CDK5RAP3: variants seen among roughly 807,000 people sequenced by gnomAD.
CDK5RAP3 encodes CDK5 regulatory subunit associated protein 3.
In CDK5RAP3, 58 loss-of-function variants were observed where a neutral mutation model predicts 73.3. The observed-to-expected ratio is 0.79, with a 90% confidence interval of 0.64 to 0.98. CDK5RAP3 has a LOEUF of 0.98. Among genes scored for constraint, CDK5RAP3 ranks in the 50% least tolerant of loss-of-function variants. The pLI is 0.00. For synonymous variants in CDK5RAP3, 224 were observed against 247.5 expected (o/e 0.91, Z 0.89); for missense variants, 525 against 615.8 (o/e 0.85, Z 1.56).
chr17:47,979,017 T>C lies in CDK5RAP3; in HGVS notation c.1077+100T>C, dbSNP rs1375818276. The stretch of plus-strand genomic sequence containing the variant: ...TGACCCCTCCTGTTTGTGTGAAGGG[T>C]GTGAGTGCTATTTGTGTCCTACAGC... On this transcript the variant is annotated intron_variant, in intron 11 of 13. Coordinates refer to ENST00000338399, the MANE Select transcript of CDK5RAP3 (RefSeq NM_176096.3). The C allele has an allele frequency of 1.2e-5, 10 of 850,086 alleles. No individual in the cohort carries two copies. In the East Asian group the frequency reaches 2.2e-4, roughly 19 times the overall value. 52.7% of individuals were successfully genotyped at this position (850,086 alleles called of 1,614,324 possible).
At chr17:47,975,083 A>G in intron 5 of CDK5RAP3, 76 bp from the exon 6 acceptor site, 1 of 1,612,964 alleles carries the variant, frequency 6.2e-7, no homozygotes, top group Non-Finnish European at 8.5e-7. Flanking sequence ...ACCACCACAA[A>G]GGATGTGTGT....
In CDK5RAP3 at chr17:47,977,944, G is replaced by A. The variant is rs1364450625; in HGVS notation, c.988+34G>A. ...ACCATCCCCTGCAGCCCTGGCAAAA[G>A]TGGGGTGCTCAAGGGCCCCCACGTG... On this transcript the variant is annotated intron_variant, in intron 10 of 13. Transcript: ENST00000338399. The A allele has an allele frequency of 2.5e-6, 4 of 1,587,100 alleles. No individual in the cohort carries two copies. In the Admixed American group the frequency reaches 5.1e-5, roughly 20 times the overall value.
intron 2 of CDK5RAP3, among the ~76,000 whole-genome samples, chr17:47,973,022 A>G (rs1378604765): frequency 1.3e-5 from 2 of 152,206 alleles, no homozygotes; most frequent in African/African-American, 4.8e-5. Context: ...TTCACTGTTC[A>G]CAACAGAGTC....
At chr17:47,970,055 G>A (rs903073776), upstream of CDK5RAP3, among the ~76,000 whole-genome samples, 1 of 152,070 alleles carries the variant, frequency 6.6e-6, no homozygotes, top group Non-Finnish European at 1.5e-5. Flanking sequence ...CCCAGCTCAG[G>A]CTATAATCCC....
At chr17:47,976,161 C>G (rs1040576073) in intron 8 of CDK5RAP3, 148 bp downstream of exon 8, 1 of 1,040,770 alleles carries the variant, frequency 9.6e-7, no homozygotes, top group Admixed American at 2.8e-5. Flanking sequence ...GGAGGCCCTA[C>G]TCCTTTATTT....
chr17:47,971,356 C>A lies in CDK5RAP3; in HGVS notation c.7-6C>A. On this transcript the variant is annotated splice_polypyrimidine_tract_variant and splice_region_variant and intron_variant, in intron 1 of 13. Coordinates refer to ENST00000338399, the MANE Select transcript of CDK5RAP3 (RefSeq NM_176096.3). ...ACGCCCCCCTCCTCACCGTGTTTCCCGCCAGGACCATCAGCACGTGCCCAT... is the reference window on the plus strand; with the variant it reads ...ACGCCCCCCTCCTCACCGTGTTTCCAGCCAGGACCATCAGCACGTGCCCAT... 1 of 1,610,242 alleles carries A rather than the reference C, an allele frequency of 6.2e-7. No homozygotes were observed.
rs2905846 is a variant in CDK5RAP3, at chr17:47,971,226, A to C, written c.6+74A>C. On this transcript the variant is annotated intron_variant, in intron 1 of 13. Transcript: ENST00000338399. ...ACCTGTGTCTCCGGTCTCCCTCCGG[A>C]AGCGGCTCAACCCAGCCCATCGCTC... The C allele has an allele frequency of 6.5e-7, 1 of 1,529,100 alleles. No individual in the cohort carries two copies. The highest frequency in any genetic ancestry group is 8.8e-7 in the Non-Finnish European group (1 of 1,130,850). 94.7% of individuals were successfully genotyped at this position (1,529,100 alleles called of 1,614,324 possible).
At chr17:47,974,325 C>G (rs577656426) in intron 4 of CDK5RAP3, 75 bp from the exon 5 acceptor site, 2 of 1,265,228 alleles carry the variant, frequency 1.6e-6, no homozygotes, top group East Asian at 4.6e-5. Flanking sequence ...AGAACTTACC[C>G]TGTTTAGGGA....
At chr17:47,972,645 A>G (rs1338078018) in intron 2 of CDK5RAP3, among the ~76,000 whole-genome samples, 2 of 144,832 alleles carry the variant, frequency 1.4e-5, no homozygotes, top group East Asian at 2.1e-4. Context: ...AAAAGGACCA[A>G]TAAAATGACC....
At chr17:47,979,093 A>G in intron 11 of CDK5RAP3, 176 bp downstream of exon 11, 1 of 599,732 alleles carries the variant, frequency 1.7e-6, no homozygotes, top group Non-Finnish European at 3.0e-6. Flanking sequence ...CTTATCAGGT[A>G]CCTCCTAGGC....
intron 5 of CDK5RAP3, chr17:47,974,683 G>C (rs1260429112): frequency 7.3e-7 from 1 of 1,361,844 alleles, no homozygotes. Context: ...GTGCCTCAGC[G>C]AGCAGGTGTG....
chr17:47,980,735 A>G lies in CDK5RAP3; in HGVS notation c.1220A>G (p.Asp407Gly), dbSNP rs368748450. 6.2e-7 allele frequency: 1 copy of G among 1,614,042 alleles called. No homozygotes were observed. The highest frequency in any genetic ancestry group is 8.5e-7 in the Non-Finnish European group (1 of 1,180,038). The change falls in exon 12 of 14, where the codon GAT becomes GGT. Residue 407 changes from aspartate to glycine, a missense_variant. Asp to Gly is a moderately conservative substitution (Grantham distance 94). Transcript: ENST00000338399. ...KMVTMVSVLE[D>G]LIGKLTSLQL... ...GTTACCATGGTGTCAGTGCTGGAGG[A>G]TCTGATTGGCAAGCTTACCAGTCTT...
In CDK5RAP3 at chr17:47,981,565, T is replaced by A; in HGVS notation, c.*63T>A. On this transcript the variant is annotated 3_prime_UTR_variant, in exon 14 of 14. Transcript: ENST00000338399. ...TTGGGATGAAGATGATAGCCAGGGCTGTTGTTTTGGGGCCCTTCAAGGCAA... is the reference window on the plus strand; with the variant it reads ...TTGGGATGAAGATGATAGCCAGGGCAGTTGTTTTGGGGCCCTTCAAGGCAA... The A allele has an allele frequency of 1.2e-6, 2 of 1,613,876 alleles. No homozygotes were observed. Among genetic ancestry groups the A allele is most frequent in the Non-Finnish European group, 1.7e-6 (2 of 1,179,974 alleles).
At position 47,975,494 on chromosome 17, in the gene CDK5RAP3, A is replaced by C. The variant is rs911908875; in HGVS notation, c.514-20A>C. The C allele has an allele frequency of 1.2e-6, 2 of 1,609,700 alleles. No homozygotes were observed. Among genetic ancestry groups the C allele is most frequent in the Non-Finnish European group, 1.7e-6 (2 of 1,179,958 alleles). ...TGTTTTCTTCAATCTGTTGGACTCC[A>C]CCTCTTCTCCCCTCTCTAGGGCGAA... is the stretch of plus-strand genomic sequence containing the variant. On this transcript the variant is annotated intron_variant, in intron 6 of 13. Transcript: ENST00000338399.
At chr17:47,973,114 G>C (rs2036307998) in intron 2 of CDK5RAP3, among the ~76,000 whole-genome samples, 1 of 152,172 alleles carries the variant, frequency 6.6e-6, no homozygotes, top group African/African-American at 2.4e-5. Flanking sequence ...TAACCATCTT[G>C]TATTTTCCAT....
In CDK5RAP3 at chr17:47,980,817, G is replaced by A. The variant is rs1567727996; in HGVS notation, c.1283+19G>A. 1 of 1,610,724 alleles carries A rather than the reference G, an allele frequency of 6.2e-7. No homozygotes were observed. Among genetic ancestry groups the A allele is most frequent in the East Asian group, 2.2e-5 (1 of 44,856 alleles). On this transcript the variant is annotated intron_variant, in intron 12 of 13. Transcript: ENST00000338399. ...CACCAAGGTCTGGCTTCCCCTTGATGCAAGGCTCTGCCATCTTGAGCAGCT... is the reference window on the plus strand; with the variant it reads ...CACCAAGGTCTGGCTTCCCCTTGATACAAGGCTCTGCCATCTTGAGCAGCT...
chr17:47,974,064 T>C (rs764522889), intron 4 of CDK5RAP3, 33 bp downstream of exon 4: 5 of 1,464,476 alleles, frequency 3.4e-6, no homozygotes, highest in South Asian at 2.3e-5. Context: ...TAGTATGTGG[T>C]TGGGGACATC....
chr17:47,979,027 A>T (rs995513897), intron 11 of CDK5RAP3, 110 bp downstream of exon 11: 1 of 793,636 alleles, frequency 1.3e-6, no homozygotes, highest in East Asian at 2.5e-5. Flanking sequence ...TGTGAGTGCT[A>T]TTTGTGTCCT....
upstream of CDK5RAP3, among the ~76,000 whole-genome samples, chr17:47,969,523 C>T (rs2036221600): frequency 7.3e-6 from 1 of 137,074 alleles, no homozygotes; most frequent in African/African-American, 2.8e-5. Flanking sequence ...TGTCACTGCA[C>T]TCCAGCCCGG....
Sources: allele counts gnomAD v4.1 joint callset (sites outside exome capture counted in the v4.1 genomes callset), GRCh38; gene constraint gnomAD v4.1.1; transcripts MANE v1.5; gene names NCBI Gene and HGNC (gene_info 2026-07-23, HGNC 2026-07-21).